MYT1: variants seen among roughly 807,000 people sequenced by gnomAD.
The protein encoded by MYT1 is myelin transcription factor I.
MYT1 carries 23 observed loss-of-function variants against 123.0 expected under a neutral mutation model. The observed-to-expected ratio is 0.19, with a 90% CI of 0.13 to 0.26. The LOEUF (loss-of-function observed/expected upper bound fraction) is 0.26. Ranked by LOEUF, MYT1 falls within the 10% of genes least tolerant of loss-of-function variation. The probability of loss-of-function intolerance (pLI) is 1.00; values close to 1 mark genes in which losing one functional copy is unlikely to be tolerated. For synonymous variants in MYT1, 518 were observed against 575.3 expected (o/e 0.90, Z 1.43); for missense variants, 1,125 against 1,472.5 (o/e 0.76, Z 3.86).
chr20:64,223,194 C>T (rs746170449), intron 15 of MYT1, 21 bp downstream of exon 15: 39 of 1,614,054 alleles, frequency 2.4e-5, no homozygotes, highest in South Asian at 1.1e-4. Context: ...TGCTCGGGTC[C>T]GTCTGGCCTG....
In MYT1 at chr20:64,166,089, G is replaced by C. The variant is rs1982073708; in HGVS notation, c.-99+1350G>C. ...GGCCCCCAGCCTCCCTGCCACCCCG[G>C]GCTCCCCTCCCATTGGTCCTTGGCT... On this transcript the variant is annotated intron_variant, in intron 1 of 22. Coordinates refer to ENST00000328439, the MANE Select transcript of MYT1 (RefSeq NM_004535.3). This position sits in a 1 kb window ranked among gnomAD's most constrained non-coding sequence, Gnocchi z 4.9. Among the ~76,000 whole-genome samples, 1 of 152,262 alleles carries C rather than the reference G, an allele frequency of 6.6e-6. No homozygotes were observed. The highest frequency in any genetic ancestry group is 1.5e-5 in the Non-Finnish European group (1 of 68,004).
chr20:64,240,183 A>G, intron 22 of MYT1, 137 bp from the exon 23 acceptor site: 1 of 1,266,312 alleles, frequency 7.9e-7, no homozygotes, highest in East Asian at 2.4e-5. Flanking sequence ...GCAGAGAGGA[A>G]CGCCCAGTGC....
At position 64,203,421 on chromosome 20, in the gene MYT1, A is replaced by G. The variant is rs1039276845; in HGVS notation, c.87-1614A>G. On this transcript the variant is annotated intron_variant, in intron 4 of 22. Transcript: ENST00000328439. This position sits in a 1 kb window ranked among gnomAD's most constrained non-coding sequence, Gnocchi z 5.1. The stretch of plus-strand genomic sequence containing the variant: ...ATTTTAGAAGAGACTAGAGGCAGGG[A>G]GAGGTGGGTGGCAGCGGCGGCAACT... 2.6e-5 allele frequency among the ~76,000 whole-genome samples: 4 copies of G among 152,122 alleles called. No individual in the cohort carries two copies. The highest frequency in any genetic ancestry group is 9.7e-5 in the African/African-American group (4 of 41,422).
intron 1 of MYT1, among the ~76,000 whole-genome samples, chr20:64,179,934 T>C (rs1982590444): frequency 3.7e-5 from 1 of 27,240 alleles, no homozygotes; most frequent in Non-Finnish European, 6.0e-5. Flanking sequence ...ACACACATGC[T>C]ACACACACAG....
chr20:64,237,142 CAG>C (rs894144880), intron 20 of MYT1, 143 bp from the exon 21 acceptor site: 11 of 623,798 alleles, frequency 1.8e-5, no homozygotes, highest in Non-Finnish European at 2.8e-5. Context: ...GTATGAGCCC[CAG>C]AGAGAGATGA....
chr20:64,189,391 C>G lies in MYT1; in HGVS notation c.-98-672C>G, dbSNP rs1037268573. Among the ~76,000 whole-genome samples, 5 of 152,232 alleles carry G rather than the reference C, an allele frequency of 3.3e-5. No homozygotes were observed. The highest frequency in any genetic ancestry group is 1.2e-4 in the African/African-American group (5 of 41,460). On this transcript the variant is annotated intron_variant, in intron 1 of 22. Coordinates refer to ENST00000328439, the MANE Select transcript of MYT1 (RefSeq NM_004535.3). The surrounding 1 kb of genome is among the most constrained non-coding windows in gnomAD (Gnocchi z 5.5). The stretch of plus-strand genomic sequence containing the variant: ...CTTTGTCATGTCCAGCTGATGCGTT[C>G]AGCCTCTGCTCAGACATGGGAATTT...
At chr20:64,238,928 C>G (rs1335742671) in intron 21 of MYT1, among the ~76,000 whole-genome samples, 1 of 152,238 alleles carries the variant, frequency 6.6e-6, no homozygotes, top group Admixed American at 6.5e-5. Context: ...AGGCAGGTCC[C>G]TATCCCCCAT....
intron 1 of MYT1, among the ~76,000 whole-genome samples, chr20:64,170,884 TAGAGAGAG>T (rs71197459): frequency 0.016 from 310 of 19,854 alleles, 5 homozygotes; most frequent in Admixed American, 0.03. Context: ...TATATATATA[TAGAGAGAG>T]AGAGAGAGAG....
intron 10 of MYT1, among the ~76,000 whole-genome samples, chr20:64,215,207 C>T (rs1343898484): frequency 2.6e-5 from 4 of 152,216 alleles, no homozygotes; most frequent in South Asian, 2.1e-4. Flanking sequence ...AGATTTGGCC[C>T]CCGTGTGAGG....
In MYT1 at chr20:64,212,177, G is replaced by A; in HGVS notation, c.1517+39G>A. On this transcript the variant is annotated intron_variant, in intron 9 of 22. Transcript: ENST00000328439. The surrounding 1 kb of genome is among the most constrained non-coding windows in gnomAD (Gnocchi z 6.8). ...GCTGGGCCGTAGTGGGGGCCAGGGT[G>A]GGGGCCGTGGTGGGGGCCAGGGTGG... is the stretch of plus-strand genomic sequence containing the variant. The A allele has an allele frequency of 9.2e-7, 1 of 1,091,164 alleles. No individual in the cohort carries two copies. The highest frequency in any genetic ancestry group is 1.3e-6 in the Non-Finnish European group (1 of 796,308). 67.6% of individuals were successfully genotyped at this position (1,091,164 alleles called of 1,614,324 possible).
At chr20:64,229,312 G>A (rs779828896) in intron 18 of MYT1, among the ~76,000 whole-genome samples, 55 of 152,218 alleles carry the variant, frequency 3.6e-4, no homozygotes, top group Admixed American at 2.0e-3. Context: ...TATGGATTTG[G>A]CAAGGATCCT....
In MYT1 at chr20:64,231,086, A is replaced by C. The variant is rs3003144; in HGVS notation, c.2676-1078A>C. Among the ~76,000 whole-genome samples the C allele has an allele frequency of 0.58, 86,767 of 148,686 alleles. 26,809 individuals are homozygous for C. Among genetic ancestry groups the C allele is most frequent in the African/African-American group, 0.77 (31,138 of 40,294 alleles). On this transcript the variant is annotated intron_variant, in intron 18 of 22. Coordinates refer to ENST00000328439, the MANE Select transcript of MYT1 (RefSeq NM_004535.3). This position sits in a 1 kb window ranked among gnomAD's most constrained non-coding sequence, Gnocchi z 6.4. ...CCTCCCGAGCGCTTCCTGCGCTGAC[A>C]GTGACTTCCCTGTATGCCCATGAAT... is the stretch of plus-strand genomic sequence containing the variant.
chr20:64,237,162 A>T (rs1984576657), intron 20 of MYT1, 125 bp from the exon 21 acceptor site: 1 of 677,766 alleles, frequency 1.5e-6, no homozygotes, highest in Admixed American at 2.8e-5. Context: ...TGAGCTCGGA[A>T]AACCAGGAGG....
chr20:64,208,032 A>T lies in MYT1; in HGVS notation c.836A>T (p.Glu279Val), dbSNP rs1307291211. Residue 279 changes from glutamate (E) to valine (V), a missense_variant, in exon 7 of 23, where the codon GAG (glutamate) becomes GTG (valine). This residue lies in a region of MYT1 where 406 missense variants were observed against 432.2 expected (regional missense o/e 0.94). Coordinates refer to ENST00000328439, the MANE Select transcript of MYT1 (RefSeq NM_004535.3). This position sits in a 1 kb window ranked among gnomAD's most constrained non-coding sequence, Gnocchi z 5.4. ...GAGGAGGAGGATGAAGAAGAGGAAG[A>T]GGAAGAGGAGGAGGAAGAGGAAGAG... ...EEEEEDEEEE[E>V]EEEEEEEEEE... 1 of 1,601,196 alleles carries T rather than the reference A, an allele frequency of 6.2e-7. No homozygotes were observed. Among genetic ancestry groups the T allele is most frequent in the South Asian group, 1.1e-5 (1 of 88,522 alleles).
At position 64,197,692 on chromosome 20, in the gene MYT1, GC is replaced by G. The variant is rs201569322; in HGVS notation, c.1-1167del. On this transcript the variant is annotated intron_variant, in intron 2 of 22. Coordinates refer to ENST00000328439, the MANE Select transcript of MYT1 (RefSeq NM_004535.3). ...TGGAGTGTGTAGGATTTACTTGCCT[GC>G]CCAGATTTGTCATGAGTGACACAGG... Among the ~76,000 whole-genome samples, 1,354 of 152,346 alleles carry G rather than the reference GC, an allele frequency of 8.9e-3. 23 individuals carry two copies. The highest frequency in any genetic ancestry group is 0.031 in the African/African-American group (1,300 of 41,576).
chr20:64,178,965 G>A (rs1230903826), intron 1 of MYT1, among the ~76,000 whole-genome samples: 1 of 140,852 alleles, frequency 7.1e-6, no homozygotes, highest in Non-Finnish European at 1.5e-5. Context: ...TGGGAGCACT[G>A]AGCCGTTATT....
Position 64,232,170 on chromosome 20 carries a change from A to G in MYT1, c.2682A>G (p.Pro894=). ...DKEDPELMKC[P]VPGCVGLGHI... ...CCGGCCTCTCTGTACCCAGGTGCCCAGTTCCAGGCTGTGTGGGGCTCGGTC... is the reference window on the plus strand; with the variant it reads ...CCGGCCTCTCTGTACCCAGGTGCCCGGTTCCAGGCTGTGTGGGGCTCGGTC... The change falls in exon 19 of 23, where the codon CCA becomes CCG. Residue 894 remains proline, a synonymous_variant. Transcript: ENST00000328439. The surrounding 1 kb of genome is among the most constrained non-coding windows in gnomAD (Gnocchi z 6.9). 6.2e-7 allele frequency: 1 copy of G among 1,612,918 alleles called. No individual in the cohort carries two copies.
At chr20:64,183,912 C>A (rs558238433) in intron 1 of MYT1, among the ~76,000 whole-genome samples, 1 of 152,150 alleles carries the variant, frequency 6.6e-6, no homozygotes, top group Non-Finnish European at 1.5e-5. Flanking sequence ...CCTCCACCTC[C>A]CAGGTTCAAG....
intron 4 of MYT1, among the ~76,000 whole-genome samples, chr20:64,200,342 G>A (rs567226019): frequency 2.6e-5 from 4 of 152,310 alleles, no homozygotes; most frequent in East Asian, 1.9e-4. Context: ...CCATTGGCTC[G>A]GGATGCAAAC....
Sources: gnomAD v4.1 joint callset for allele counts (sites outside exome capture counted in the v4.1 genomes callset) on GRCh38, gnomAD v4.1.1 for gene constraint, gnomAD v4.1.1 regional missense constraint, Gnocchi (gnomAD v3.1) non-coding constraint, MANE v1.5 for transcripts, NCBI Gene and HGNC (gene_info 2026-07-23, HGNC 2026-07-21) for gene names.